The following NADK variants were observed in gnomAD, a reference collection of about 807,000 sequenced individuals.
The protein encoded by NADK is poly(P)/ATP NAD kinase.
A neutral mutation model predicts 49.8 loss-of-function variants in NADK; 22 were observed. The observed-to-expected ratio is 0.44, with a 90% CI of 0.32 to 0.63. The LOEUF (loss-of-function observed/expected upper bound fraction) is 0.63. NADK is among the 30% of genes least tolerant of loss of function. The pLI is 0.06. For synonymous variants in NADK, 268 were observed against 253.7 expected (o/e 1.06, Z -0.54); for missense variants, 438 against 609.4 (o/e 0.72, Z 2.96).
intron 10 of NADK, 117 bp from the exon 11 acceptor site, chr1:1,753,766 G>A (rs919431258): frequency 1.3e-5 from 13 of 966,312 alleles, no homozygotes; most frequent in South Asian, 3.1e-5. Flanking sequence ...CCTGCCTTGC[G>A]GACGGTGCAG....
intron 3 of NADK, among the ~76,000 whole-genome samples, chr1:1,760,651 G>C (rs549648773): frequency 6.6e-6 from 1 of 151,290 alleles, no homozygotes; most frequent in South Asian, 2.1e-4. Context: ...AGAAAGTGAA[G>C]CATCCATGAC....
chr1:1,766,988 C>T (rs1359355294), intron 1 of NADK, among the ~76,000 whole-genome samples: 1 of 151,938 alleles, frequency 6.6e-6, no homozygotes, highest in Non-Finnish European at 1.5e-5. Flanking sequence ...GATCGCAGCT[C>T]ACTGCAACGT....
rs183152010 is a variant in NADK at position 1,759,760 on chromosome 1, C to T, written c.263+2192G>A. The T allele has an allele frequency of 1.3e-3, 2,026 of 1,555,870 alleles. 19 individuals are homozygous for T. The African/African-American group carries it at 0.023, about 18-fold the overall frequency. On this transcript the variant is annotated intron_variant, in intron 3 of 11. Transcript: ENST00000341426. ...GCTTCCTCCTGCGGGGCTGTCTGGC[C>T]TCGGGCAGCTCGGGGACCACTGAGT... is the stretch of plus-strand genomic sequence containing the variant.
intron 1 of NADK, among the ~76,000 whole-genome samples, chr1:1,768,122 G>T (rs1472859276): frequency 6.7e-6 from 1 of 149,542 alleles, no homozygotes; most frequent in East Asian, 2.0e-4. Flanking sequence ...AGTGAGCCGA[G>T]ATTGTGCCAC....
At position 1,755,519 on chromosome 1, in the gene NADK, C is replaced by T. The variant is rs74046213; in HGVS notation, c.586-43G>A. ...GGTCACTCAGTGCCCACGCCGTGCACCCCCGCACCACCCAGCTTTCCAGCA... is the reference window on the plus strand; with the variant it reads ...GGTCACTCAGTGCCCACGCCGTGCATCCCCGCACCACCCAGCTTTCCAGCA... On this transcript the variant is annotated intron_variant, in intron 6 of 11. Transcript: ENST00000341426. 7,256 of 1,451,174 alleles carry T rather than the reference C, an allele frequency of 5.0e-3. 247 individuals carry two copies. In the African/African-American group the frequency reaches 0.085, roughly 17 times the overall value. The allele number at this position is 1,451,174 out of a possible 1,614,324, so 89.9% of individuals were successfully genotyped here.
chr1:1,757,307 G>A lies in NADK; in HGVS notation c.267C>T (p.His89=), dbSNP rs200063038. The A allele has an allele frequency of 5.7e-4, 918 of 1,613,258 alleles. 25 individuals carry two copies. The East Asian group carries it at 0.02, about 36-fold the overall frequency. Residue 89 remains histidine, a synonymous_variant, in exon 4 of 12, where the codon CAC becomes CAT. Coordinates refer to ENST00000341426, the MANE Select transcript of NADK (RefSeq NM_023018.5). The stretch of plus-strand genomic sequence containing the variant: ...GCCGCTGGCTCGCGGGGTCCTGAAT[G>A]TGCCTTTAGGGGAGGAGAAAAGAGT... The part of the protein sequence containing the change: ...CVLQNPQTIM[H]IQDPASQRLT...
rs138146152 is a variant in NADK at position 1,753,551 on chromosome 1, G to A, written c.1184+16C>T. On this transcript the variant is annotated intron_variant, in intron 11 of 11. Transcript: ENST00000341426. ...GAGGTTGGCAGGCAGCGCCCAGCCCGGCATGCAGCCCACACCTGTCTCCAT... is the reference window on the plus strand; with the variant it reads ...GAGGTTGGCAGGCAGCGCCCAGCCCAGCATGCAGCCCACACCTGTCTCCAT... The A allele has an allele frequency of 1.6e-3, 2,526 of 1,606,606 alleles. 2 individuals carry two copies. Among genetic ancestry groups the A allele is most frequent in the Non-Finnish European group, 2.1e-3 (2,413 of 1,175,656 alleles).
chr1:1,753,198 C>T, intron 11 of NADK, 138 bp from the exon 12 acceptor site: 1 of 1,073,582 alleles, frequency 9.3e-7, no homozygotes, highest in Non-Finnish European at 1.3e-6. Context: ...CCGAGGCAGG[C>T]TTGAGCAGTG....
intron 1 of NADK, among the ~76,000 whole-genome samples, chr1:1,776,694 A>C (rs1646220374): frequency 7.1e-6 from 1 of 140,902 alleles, no homozygotes. Flanking sequence ...AATCACTTGA[A>C]CCCGGGAGGT....
chr1:1,756,219 C>T (rs753833003), intron 6 of NADK, 39 bp downstream of exon 6: 57 of 1,579,328 alleles, frequency 3.6e-5, no homozygotes, highest in Middle Eastern at 1.7e-4. Flanking sequence ...AGCACCTAGA[C>T]TAGAACCTGG....
upstream of NADK, chr1:1,778,844 C>G (rs2100406157): frequency 6.6e-6 from 1 of 152,214 alleles, no homozygotes; most frequent in South Asian, 2.1e-4. This position sits in a 1 kb window ranked among gnomAD's most constrained non-coding sequence, Gnocchi z 4.9. Context: ...CCCCAACTCA[C>G]CGCCACCGCG....
intron 3 of NADK, chr1:1,758,218 G>T: frequency 2.2e-6 from 2 of 889,732 alleles, no homozygotes; most frequent in Non-Finnish European, 3.3e-6. Flanking sequence ...GCTGCTGCCT[G>T]CCATGCCTCT....
At chr1:1,778,839 A>G (rs536043690), upstream of NADK, 1 of 151,416 alleles carries the variant, frequency 6.6e-6, no homozygotes, top group African/African-American at 2.4e-5. The surrounding 1 kb of genome is among the most constrained non-coding windows in gnomAD (Gnocchi z 4.9). Flanking sequence ...CCCGCCCCCA[A>G]CTCACCGCCA....
intron 2 of NADK, among the ~76,000 whole-genome samples, chr1:1,763,942 G>A (rs74334203): frequency 0.019 from 2,913 of 152,288 alleles, 99 homozygotes; most frequent in African/African-American, 0.067. Context: ...TTCTGTTCAC[G>A]CAGTCACTGC....
At chr1:1,755,925 G>A (rs1645504992) in intron 6 of NADK, 1 of 495,660 alleles carries the variant, frequency 2.0e-6, no homozygotes, top group Non-Finnish European at 3.7e-6. Context: ...GGGGAGAGCT[G>A]TGCTGCTGAG....
chr1:1,770,437 T>A (rs756172013), intron 1 of NADK, among the ~76,000 whole-genome samples: 1 of 152,150 alleles, frequency 6.6e-6, no homozygotes, highest in Non-Finnish European at 1.5e-5. Context: ...GAAAAACAAA[T>A]AAGTGAGTTT....
chr1:1,777,166 T>A (rs551350559), intron 1 of NADK, among the ~76,000 whole-genome samples: 2 of 152,158 alleles, frequency 1.3e-5, no homozygotes, highest in Non-Finnish European at 2.9e-5. Flanking sequence ...CGGTGGCACC[T>A]GTGATTCCTC....
intron 1 of NADK, among the ~76,000 whole-genome samples, chr1:1,765,762 C>G (rs1055402934): frequency 7.2e-5 from 11 of 151,900 alleles, no homozygotes; most frequent in Admixed American, 3.3e-4. Context: ...ACTAAAAATA[C>G]AAAAATTAGC....
intron 1 of NADK, among the ~76,000 whole-genome samples, chr1:1,776,772 TAAA>T (rs33953907): frequency 1.4e-3 from 159 of 117,064 alleles, no homozygotes; most frequent in Middle Eastern, 4.3e-3. Flanking sequence ...GACTCTGTCT[TAAA>T]AAAAAAAAAA....
Sources: gnomAD v4.1 joint callset for allele counts (sites outside exome capture counted in the v4.1 genomes callset) on GRCh38, gnomAD v4.1.1 for gene constraint, Gnocchi (gnomAD v3.1) non-coding constraint, MANE v1.5 for transcripts, NCBI Gene and HGNC (gene_info 2026-07-23, HGNC 2026-07-21) for gene names.